Variants in ZC3H11A observed in about 807,000 individuals in gnomAD.
The protein encoded by ZC3H11A is zinc finger CCCH-type containing 11A, also known as zinc finger CCCH domain-containing protein 11A.
A neutral mutation model predicts 90.8 loss-of-function variants in ZC3H11A; 22 were observed. The observed-to-expected ratio is 0.24, with a 90% confidence interval of 0.17 to 0.35. ZC3H11A has a LOEUF of 0.35. Ranked by LOEUF, ZC3H11A falls within the 10% of genes least tolerant of loss-of-function variation. The probability of loss-of-function intolerance (pLI) is 1.00; values close to 1 mark genes in which losing one functional copy is unlikely to be tolerated. For synonymous variants in ZC3H11A, 294 were observed against 339.8 expected, an observed-to-expected ratio of 0.87 and a Z score of 1.48; for missense variants, 701 against 964.9, an observed-to-expected ratio of 0.73 and a Z score of 3.62.
rs1297353479 is a variant in ZC3H11A, at chr1:203,847,091, T to A, written c.1043-93T>A. 3.0e-6 allele frequency: 4 copies of A among 1,341,920 alleles called. No homozygotes were observed. The Admixed American group carries it at 8.6e-5, about 29-fold the overall frequency. The allele number at this position is 1,341,920 out of a possible 1,614,324, so 83.1% of individuals were successfully genotyped here. A position where few individuals can be genotyped will look rare whatever the true frequency, so the allele number is the denominator to read the frequency against. On this transcript the variant is annotated intron_variant, in intron 12 of 17. Transcript: ENST00000367210. ...ATTGCCTGCTTAAATGATAGCTCTCTGTTGGACTGTCTTGATCCAAGAATA... is the reference window on the plus strand; with the variant it reads ...ATTGCCTGCTTAAATGATAGCTCTCAGTTGGACTGTCTTGATCCAAGAATA...
intron 2 of ZC3H11A, among the ~76,000 whole-genome samples, chr1:203,810,495 C>T (rs1236785314): frequency 1.3e-5 from 2 of 150,566 alleles, no homozygotes; most frequent in Non-Finnish European, 2.9e-5. Flanking sequence ...TCTCAGCTCA[C>T]TGCAACCTGC....
intron 16 of ZC3H11A, 147 bp from the exon 17 acceptor site, chr1:203,850,910 A>T: frequency 8.4e-7 from 1 of 1,196,660 alleles, no homozygotes; most frequent in Non-Finnish European, 1.2e-6. Context: ...TTGCTTATTT[A>T]TATACTCAAC....
intron 10 of ZC3H11A, among the ~76,000 whole-genome samples, chr1:203,834,528 T>C (rs557936879): frequency 3.9e-5 from 6 of 152,242 alleles, no homozygotes; most frequent in Non-Finnish European, 8.8e-5. Flanking sequence ...GGCCTTGGCC[T>C]CCCAAAGTAC....
At chr1:203,833,622 T>TTTTTTTTTC (rs1553267375) in intron 9 of ZC3H11A, among the ~76,000 whole-genome samples, 169 bp from the exon 10 acceptor site, 1 of 148,224 alleles carries the variant, frequency 6.7e-6, no homozygotes, top group African/African-American at 2.5e-5. Flanking sequence ...GTTTGGGTTT[T>TTTTTTTTTC]TTTTTTTTTT....
At chr1:203,843,394 A>G (rs1333233967) in intron 12 of ZC3H11A, among the ~76,000 whole-genome samples, 1 of 152,122 alleles carries the variant, frequency 6.6e-6, no homozygotes, top group Non-Finnish European at 1.5e-5. Context: ...TGAAATTTGT[A>G]TTAGATAGAT....
intron 12 of ZC3H11A, among the ~76,000 whole-genome samples, chr1:203,844,148 T>C (rs2050698): frequency 0.98 from 149,167 of 152,122 alleles, 73,204 homozygotes; most frequent in Non-Finnish European, 1. Context: ...TGAGCCACTG[T>C]GCCCGCCTTT....
At chr1:203,826,425 A>G (rs1012906900) in intron 4 of ZC3H11A, among the ~76,000 whole-genome samples, 1 of 151,882 alleles carries the variant, frequency 6.6e-6, no homozygotes, top group Middle Eastern at 3.2e-3. Context: ...TTAATAGGTA[A>G]TTATGCATAT....
At chr1:203,810,871 C>G (rs1196518439) in intron 2 of ZC3H11A, among the ~76,000 whole-genome samples, 1 of 151,774 alleles carries the variant, frequency 6.6e-6, no homozygotes, top group Admixed American at 6.6e-5. Flanking sequence ...ACGCTCACGC[C>G]TGTAATCCCA....
At chr1:203,800,114 A>G in intron 1 of ZC3H11A, 3 of 1,536,136 alleles carry the variant, frequency 2.0e-6, no homozygotes, top group Non-Finnish European at 2.6e-6. Context: ...CTTCTGCTGT[A>G]GCAGTTGTGG....
At position 203,851,106 on chromosome 1, in the gene ZC3H11A, C is replaced by G; in HGVS notation, c.2156C>G (p.Ala719Gly). Residue 719 changes from alanine to glycine, a missense_variant, in exon 17 of 18, where the codon GCA (alanine) becomes GGA (glycine). Physicochemically the swap from Ala to Gly is moderately conservative, Grantham distance 60. Transcript: ENST00000367210. ...SEDKSVTVPE[A>G]ENPRDSLVLP... is the part of the protein sequence containing the mutation. Reference sequence around the variant, plus strand: ...GACAAATCAGTCACTGTGCCTGAAGCAGAAAATCCTAGAGACAGGTAATAC... The same window carrying G: ...GACAAATCAGTCACTGTGCCTGAAGGAGAAAATCCTAGAGACAGGTAATAC... The G allele has an allele frequency of 6.2e-7, 1 of 1,614,176 alleles. No individual in the cohort carries two copies.
At chr1:203,811,844 G>T (rs1225011407) in intron 2 of ZC3H11A, among the ~76,000 whole-genome samples, 4 of 147,558 alleles carry the variant, frequency 2.7e-5, no homozygotes, top group Non-Finnish European at 6.0e-5. Context: ...TTTTAGACAG[G>T]TCTCACTGTC....
intron 1 of ZC3H11A, chr1:203,799,174 T>A (rs1335343874): frequency 7.5e-7 from 1 of 1,327,794 alleles, no homozygotes; most frequent in East Asian, 2.5e-5. Context: ...GGTCTGTGGC[T>A]TTCTCCAAAT....
intron 8 of ZC3H11A, among the ~76,000 whole-genome samples, chr1:203,830,879 T>C (rs1195077927): frequency 6.6e-6 from 1 of 151,406 alleles, no homozygotes; most frequent in East Asian, 1.9e-4. Context: ...TAGGATTTTC[T>C]TCTGGAGCTT....
rs764986245 is a variant in ZC3H11A at position 203,853,755 on chromosome 1, A to G, written c.*1356A>G. ...AAGGAAGAAAGCCACAGGACTGCCCATTCAGTCTTGGGAAGATTGGGATGA... is the reference window on the plus strand; with the variant it reads ...AAGGAAGAAAGCCACAGGACTGCCCGTTCAGTCTTGGGAAGATTGGGATGA... On this transcript the variant is annotated 3_prime_UTR_variant, in exon 18 of 18. Coordinates refer to ENST00000367210, the MANE Select transcript of ZC3H11A (RefSeq NM_001376342.1). The G allele has an allele frequency of 5.9e-5, 9 of 152,794 alleles. No homozygotes were observed. The highest frequency in any genetic ancestry group is 1.3e-4 in the Non-Finnish European group (9 of 68,052). The allele number at this position is 152,794 out of a possible 1,614,324, so 9.5% of individuals were successfully genotyped here. A position where few individuals can be genotyped will look rare whatever the true frequency, so the allele number is the denominator to read the frequency against.
intron 10 of ZC3H11A, among the ~76,000 whole-genome samples, chr1:203,836,556 T>C (rs957904166): frequency 8.5e-5 from 13 of 152,324 alleles, no homozygotes; most frequent in African/African-American, 3.1e-4. Flanking sequence ...GAGACCGGCC[T>C]GATCAACATG....
At chr1:203,843,380 C>T (rs1687009966) in intron 12 of ZC3H11A, among the ~76,000 whole-genome samples, 1 of 151,968 alleles carries the variant, frequency 6.6e-6, no homozygotes. Flanking sequence ...TTGTTTTCTC[C>T]TTGTGAAATT....
chr1:203,816,549 T>G (rs1415257914), intron 2 of ZC3H11A, among the ~76,000 whole-genome samples: 1 of 152,150 alleles, frequency 6.6e-6, no homozygotes, highest in Non-Finnish European at 1.5e-5. Flanking sequence ...GAGAATCCCT[T>G]GAGCCCAGGA....
At chr1:203,850,152 A>G (rs760459574) in intron 15 of ZC3H11A, 126 bp downstream of exon 15, 75 of 800,582 alleles carry the variant, frequency 9.4e-5, no homozygotes, top group Non-Finnish European at 1.5e-4. Flanking sequence ...ACAGGTAGAT[A>G]GTAATATTTC....
At chr1:203,837,667 A>G (rs140766375) in intron 10 of ZC3H11A, among the ~76,000 whole-genome samples, 51 of 152,080 alleles carry the variant, frequency 3.4e-4, no homozygotes, top group African/African-American at 1.2e-3. Context: ...TTTTAGAGAC[A>G]AGGTCTTGCT....
Sources: allele counts gnomAD v4.1 joint callset (sites outside exome capture counted in the v4.1 genomes callset), GRCh38; gene constraint gnomAD v4.1.1; transcripts MANE v1.5; gene names NCBI Gene and HGNC (gene_info 2026-07-23, HGNC 2026-07-21).